The following TTC7A variants were observed in gnomAD, a reference collection of about 807,000 sequenced individuals.
TTC7A encodes tetratricopeptide repeat domain 7A.
A neutral mutation model predicts 103.7 loss-of-function variants in TTC7A; 110 were observed. The ratio of observed to expected loss-of-function variants is 1.06; its 90% CI spans 0.91 to 1.24. The LOEUF (loss-of-function observed/expected upper bound fraction) is 1.24, where lower values mean the gene tolerates loss of function less well. TTC7A is among the 50% of genes most tolerant of loss of function. TTC7A has a pLI of 0.00. For synonymous variants in TTC7A, 521 were observed against 467.9 expected (o/e 1.11, Z -1.47); for missense variants, 1,340 against 1,116.3 (o/e 1.20, Z -2.86).
At chr2:46,949,461 G>C (rs1671218875) in intron 1 of TTC7A, among the ~76,000 whole-genome samples, 1 of 152,038 alleles carries the variant, frequency 6.6e-6, no homozygotes, top group Non-Finnish European at 1.5e-5. Context: ...TCAAACTCCT[G>C]ACCTCAAGTG....
chr2:47,024,787 A>G (rs1373121873), intron 14 of TTC7A, among the ~76,000 whole-genome samples: 1 of 152,104 alleles, frequency 6.6e-6, no homozygotes, highest in Non-Finnish European at 1.5e-5. Context: ...GGACACCACC[A>G]TCAGGCCTTG....
In TTC7A at chr2:47,004,548, G is replaced by A. The variant is rs536191749; in HGVS notation, c.1066-1374G>A. ...TCCTTTTTATTCGGTTAGGAAGGCT[G>A]AGTCCTTGGTCTTGAGGTCCTGTGT... is the stretch of plus-strand genomic sequence containing the variant. On this transcript the variant is annotated intron_variant, in intron 8 of 19. Transcript: ENST00000319190. Among the ~76,000 whole-genome samples, 149 of 152,276 alleles carry A rather than the reference G, an allele frequency of 9.8e-4. 1 individual carries two copies. Among genetic ancestry groups the A allele is most frequent in the African/African-American group, 3.4e-3 (140 of 41,568 alleles).
chr2:47,009,886 G>GTGT (rs1558572344), intron 10 of TTC7A, among the ~76,000 whole-genome samples: 1 of 93,514 alleles, frequency 1.1e-5, no homozygotes, highest in East Asian at 3.4e-4. Flanking sequence ...GTGTGTGTGT[G>GTGT]TTTTTTTTTT....
chr2:47,068,222 C>T (rs915559591), intron 19 of TTC7A: 3 of 152,192 alleles, frequency 2.0e-5, no homozygotes, highest in Non-Finnish European at 2.9e-5. Context: ...GAATGACACT[C>T]AGTGCCTGGC....
chr2:46,987,747 AG>A (rs1675163479), intron 5 of TTC7A, among the ~76,000 whole-genome samples: 1 of 152,002 alleles, frequency 6.6e-6, no homozygotes, highest in Non-Finnish European at 1.5e-5. Flanking sequence ...GTGTTTTCTA[AG>A]GGAGTTCCCC....
At chr2:47,023,822 C>T (rs1033912622) in intron 13 of TTC7A, among the ~76,000 whole-genome samples, 1 of 152,100 alleles carries the variant, frequency 6.6e-6, no homozygotes, top group African/African-American at 2.4e-5. Flanking sequence ...AAATGGCATT[C>T]ACCTCCTTCT....
At chr2:46,916,119 G>C, upstream of TTC7A, 1 of 985,610 alleles carries the variant, frequency 1.0e-6, no homozygotes, top group Non-Finnish European at 1.2e-6. Flanking sequence ...ATCCGGATGG[G>C]GCGGACCCCA....
chr2:46,938,544 T>C (rs1670092280), upstream of TTC7A, among the ~76,000 whole-genome samples: 2 of 152,216 alleles, frequency 1.3e-5, no homozygotes, highest in African/African-American at 2.4e-5. Flanking sequence ...CATGCTCTCC[T>C]GAGGATTTTT....
intron 2 of TTC7A, among the ~76,000 whole-genome samples, chr2:46,928,136 C>G (rs1427752115): frequency 6.6e-6 from 1 of 151,806 alleles, no homozygotes; most frequent in Non-Finnish European, 1.5e-5. Flanking sequence ...AGGTGATCTG[C>G]CCACCTTAAC....
At chr2:46,940,394 G>A (rs1572666514), upstream of TTC7A, among the ~76,000 whole-genome samples, 1 of 152,112 alleles carries the variant, frequency 6.6e-6, no homozygotes, top group East Asian at 1.9e-4. The surrounding 1 kb of genome is among the most constrained non-coding windows in gnomAD (Gnocchi z 4.7). Context: ...AGCTGCGGCG[G>A]CAGCGGGGCC....
intron 15 of TTC7A, among the ~76,000 whole-genome samples, chr2:47,044,845 C>T (rs914036521): frequency 6.6e-6 from 1 of 152,194 alleles, no homozygotes; most frequent in African/African-American, 2.4e-5. Flanking sequence ...GAAAGATGGG[C>T]AGAGAGTAAG....
Position 46,950,505 on chromosome 2 carries a change from C to A in TTC7A, c.327C>A (p.Ile109=). 6.2e-7 allele frequency: 1 copy of A among 1,614,110 alleles called. No individual in the cohort carries two copies. Among genetic ancestry groups the A allele is most frequent in the South Asian group, 1.1e-5 (1 of 91,072 alleles). Residue 109 remains isoleucine, a synonymous_variant, in exon 2 of 20, where the codon ATC becomes ATA. Coordinates refer to ENST00000319190, the MANE Select transcript of TTC7A (RefSeq NM_020458.4). ...AAGCCAAAAATTATCTAAGCAGTAT[C>A]CTTAACCATGGGAGGCTCTCGGTAA... ...MSEAKNYLSS[I]LNHGRLSPQY... is the part of the protein sequence containing the mutation.
At chr2:46,944,429 G>C (rs1474827041) in intron 1 of TTC7A, among the ~76,000 whole-genome samples, 1 of 136,264 alleles carries the variant, frequency 7.3e-6, no homozygotes, top group African/African-American at 2.9e-5. Context: ...ACCCAGACTG[G>C]AGTTCAGTGG....
At chr2:46,976,825 G>A (rs1044908595) in intron 4 of TTC7A, among the ~76,000 whole-genome samples, 1 of 152,192 alleles carries the variant, frequency 6.6e-6, no homozygotes, top group African/African-American at 2.4e-5. Flanking sequence ...CCCCCCTGCT[G>A]ACAGCCACTG....
At chr2:46,987,804 C>CCGCGCGCG (rs141264278) in intron 5 of TTC7A, among the ~76,000 whole-genome samples, 14 of 137,996 alleles carry the variant, frequency 1.0e-4, no homozygotes, top group South Asian at 2.4e-4. Flanking sequence ...CTGTCCCTTT[C>CCGCGCGCG]CGCGCGTGTG....
rs779165831 is a variant in TTC7A, at chr2:47,011,481, G to A, written c.1392+46G>A. On this transcript the variant is annotated intron_variant, in intron 11 of 19. Transcript: ENST00000319190. ...GGTCCCAGAGGCCTCCTGTGGGGAG[G>A]GTGGCAGCAGCTGGCTGTGCACGTC... 33 of 1,484,606 alleles carry A rather than the reference G, an allele frequency of 2.2e-5. No individual in the cohort carries two copies. The South Asian group carries it at 3.2e-4, about 14-fold the overall frequency. 92.0% of individuals were successfully genotyped at this position (1,484,606 alleles called of 1,614,324 possible). A position where few individuals can be genotyped will look rare whatever the true frequency, so the allele number is the denominator to read the frequency against.
chr2:47,076,079 A>G lies in TTC7A; in HGVS notation c.*2156A>G, dbSNP rs899365980. On this transcript the variant is annotated 3_prime_UTR_variant, in exon 20 of 20. Transcript: ENST00000319190. ...CCCTAATAAGTTATGCCACATACCA[A>G]CGTACTGTGGATATTATAACCTGCA... is the stretch of plus-strand genomic sequence containing the variant. 5.3e-5 allele frequency: 8 copies of G among 152,354 alleles called. No individual in the cohort carries two copies. Among genetic ancestry groups the G allele is most frequent in the Non-Finnish European group, 1.0e-4 (7 of 68,044 alleles). The allele number at this position is 152,354 out of a possible 1,614,324, so 9.4% of individuals were successfully genotyped here. A position where few individuals can be genotyped will look rare whatever the true frequency, so the allele number is the denominator to read the frequency against.
intron 19 of TTC7A, chr2:47,068,334 G>A (rs2280648): frequency 0.16 from 24,261 of 152,016 alleles, 3,046 homozygotes; most frequent in East Asian, 0.63. Flanking sequence ...CCATGTCTCA[G>A]GGTCCAGGAC....
At chr2:46,922,897 C>A (rs1472869200) in intron 2 of TTC7A, among the ~76,000 whole-genome samples, 1 of 152,216 alleles carries the variant, frequency 6.6e-6, no homozygotes, top group Non-Finnish European at 1.5e-5. Flanking sequence ...CCTCTCTTTC[C>A]CACCAGTCGC....
Sources: allele counts gnomAD v4.1 joint callset (sites outside exome capture counted in the v4.1 genomes callset), GRCh38; gene constraint gnomAD v4.1.1; non-coding constraint Gnocchi (gnomAD v3.1); transcripts MANE v1.5; gene names NCBI Gene and HGNC (gene_info 2026-07-23, HGNC 2026-07-21).